BCORL1: variants seen among roughly 807,000 people sequenced by gnomAD.
The protein encoded by BCORL1 is BCL6 corepressor like 1.
Under a neutral mutation model 87.6 loss-of-function variants are expected in BCORL1, and 7 were observed. The ratio of observed to expected loss-of-function variants is 0.08; its 90% CI spans 0.05 to 0.15. The LOEUF (loss-of-function observed/expected upper bound fraction) is 0.15. BCORL1 is among the 10% of genes least tolerant of loss of function. BCORL1 has a pLI of 1.00. For missense variants in BCORL1, 1,215 were observed against 1,499.7 expected (o/e 0.81, Z 3.13); for synonymous variants, 591 against 634.4 (o/e 0.93, Z 1.03).
intron 2 of BCORL1, among the ~76,000 whole-genome samples, chrX:130,010,258 T>C (rs1928841426): frequency 8.9e-6 from 1 of 112,050 alleles, no homozygotes; most frequent in Non-Finnish European, 1.9e-5. Flanking sequence ...TGGGGTTGCT[T>C]GGGGGAAGTG....
chrX:130,019,164 A>G (rs928981516), intron 4 of BCORL1, among the ~76,000 whole-genome samples: 1 of 112,232 alleles, frequency 8.9e-6, no homozygotes, highest in Non-Finnish European at 1.9e-5. Flanking sequence ...TTCATGCATA[A>G]GTTGGAGTGT....
chrX:129,995,496 A>G (rs1333270458), intron 1 of BCORL1, among the ~76,000 whole-genome samples: 3 of 111,120 alleles, frequency 2.7e-5, no homozygotes, highest in Non-Finnish European at 5.7e-5. Flanking sequence ...GCTGGAGTGT[A>G]GTGGCCTCAT....
Position 130,034,565 on chromosome X carries a change from G to A in BCORL1, c.4416G>A (p.Glu1472=). Residue 1472 remains glutamate (E), a synonymous_variant, in exon 9 of 14, where the codon GAG becomes GAA. Transcript: ENST00000540052. ...PSKSRSASSE[E]ASESPTARQI... Reference sequence around the variant, plus strand: ...AGTCCCGAAGTGCCAGCTCAGAGGAGGCCTCAGAGTCACCTACAGCCCGGC... The same window carrying A: ...AGTCCCGAAGTGCCAGCTCAGAGGAAGCCTCAGAGTCACCTACAGCCCGGC... 1 of 983,118 alleles carries A rather than the reference G, an allele frequency of 1.0e-6. No homozygotes were observed. The highest frequency in any genetic ancestry group is 1.3e-6 in the Non-Finnish European group (1 of 755,920). 81.0% of individuals were successfully genotyped at this position (983,118 alleles called of 1,213,427 possible).
rs530600174 is a variant in BCORL1, at chrX:130,025,423, C to T, written c.4078+44C>T. The T allele has an allele frequency of 3.6e-4, 396 of 1,097,645 alleles. 1 individual carries two copies. In the South Asian group the frequency reaches 8.6e-3, roughly 24 times the overall value. The allele number at this position is 1,097,645 out of a possible 1,213,427, so 90.5% of individuals were successfully genotyped here. A position where few individuals can be genotyped will look rare whatever the true frequency, so the allele number is the denominator to read the frequency against. The stretch of plus-strand genomic sequence containing the variant: ...TCTGCTGTCGCCGCGGCCCGTTTGG[C>T]TTCTGGGAACCCTCGGGCATCTCTA... On this transcript the variant is annotated intron_variant, in intron 7 of 13. Coordinates refer to ENST00000540052, the MANE Select transcript of BCORL1 (RefSeq NM_001379451.1).
At chrX:130,025,849 A>G (rs1930215068) in intron 7 of BCORL1, among the ~76,000 whole-genome samples, 1 of 111,046 alleles carries the variant, frequency 9.0e-6, no homozygotes, top group African/African-American at 3.3e-5. Context: ...CCAACAGAAG[A>G]ACTTCAAGTA....
intron 1 of BCORL1, among the ~76,000 whole-genome samples, chrX:129,994,262 G>A (rs1270067887): frequency 1.8e-5 from 2 of 112,263 alleles, no homozygotes; most frequent in Non-Finnish European, 3.8e-5. Flanking sequence ...GTAGGCTATG[G>A]GTGCTAGAGT....
At chrX:130,003,943 A>G (rs761053930) in intron 1 of BCORL1, among the ~76,000 whole-genome samples, 4 of 111,848 alleles carry the variant, frequency 3.6e-5, no homozygotes, top group African/African-American at 1.3e-4. Flanking sequence ...TCGTACAACT[A>G]TATCTTATTG....
At position 130,015,768 on chromosome X, in the gene BCORL1, C is replaced by T; in HGVS notation, c.2996C>T (p.Thr999Ile). The change falls in exon 4 of 14, where the codon ACC (threonine) becomes ATC (isoleucine). Residue 999 changes from threonine to isoleucine, a missense_variant. Physicochemically the swap from Thr to Ile is moderately conservative, Grantham distance 89 (BLOSUM62 -1). Around this residue, in one of 5 missense-constraint regions of BCORL1, gnomAD observed 861 missense variants for 1,010.0 expected, o/e 0.85. Transcript: ENST00000540052. ...TYMSHELVLA[T>I]PQNLPKMPEL... ...ATGTCCCATGAGCTGGTCCTGGCCA[C>T]CCCCCAGAACCTGCCTAAGATGCCT... The T allele has an allele frequency of 8.3e-7, 1 of 1,211,559 alleles. No homozygotes were observed. The highest frequency in any genetic ancestry group is 1.1e-6 in the Non-Finnish European group (1 of 895,367).
rs753549457 is a variant in BCORL1 at position 130,013,387 on chromosome X, C to G, written c.615C>G (p.Pro205=). The part of the protein sequence containing the change: ...NFSPLPAPIC[P]PAPGSASVPH... ...GTCCTCTGCCAGCCCCTATCTGTCC[C>G]CCTGCTCCCGGTTCGGCCTCTGTGC... Residue 205 remains proline, a synonymous_variant, in exon 4 of 14, where the codon CCC becomes CCG. Transcript: ENST00000540052. 17 of 1,209,281 alleles carry G rather than the reference C, an allele frequency of 1.4e-5. No individual in the cohort carries two copies. Among genetic ancestry groups the G allele is most frequent in the Admixed American group, 6.6e-5 (3 of 45,705 alleles).
intron 2 of BCORL1, among the ~76,000 whole-genome samples, chrX:130,010,113 C>T (rs1046869553): frequency 3.6e-5 from 4 of 111,896 alleles, no homozygotes; most frequent in African/African-American, 6.5e-5. Context: ...CAGCTGCCTT[C>T]GACGGCAGGG....
At chrX:130,048,496 A>G (rs1931886731) in intron 11 of BCORL1, among the ~76,000 whole-genome samples, 1 of 111,945 alleles carries the variant, frequency 8.9e-6, no homozygotes, top group African/African-American at 3.2e-5. Flanking sequence ...CGTGAAAGCC[A>G]ATGGACCTAC....
At chrX:130,022,760 T>C in intron 5 of BCORL1, 137 bp from the exon 6 acceptor site, 1 of 549,571 alleles carries the variant, frequency 1.8e-6, no homozygotes, top group East Asian at 3.3e-5. Flanking sequence ...AGTGAATAAA[T>C]GTAACCCAGA....
intron 1 of BCORL1, among the ~76,000 whole-genome samples, chrX:129,995,845 A>G (rs1046556179): frequency 8.9e-6 from 1 of 112,227 alleles, no homozygotes; most frequent in Non-Finnish European, 1.9e-5. Context: ...TCTGTTGAAT[A>G]CACATGGAAG....
At chrX:130,041,368 A>G (rs1314224872) in intron 11 of BCORL1, among the ~76,000 whole-genome samples, 2 of 108,146 alleles carry the variant, frequency 1.8e-5, no homozygotes, top group Non-Finnish European at 3.8e-5. Context: ...ACTACTAGCT[A>G]TCTTTTGGTT....
At chrX:130,040,927 C>T (rs556422879) in intron 11 of BCORL1, among the ~76,000 whole-genome samples, 4 of 111,441 alleles carry the variant, frequency 3.6e-5, no homozygotes, top group African/African-American at 1.3e-4. Flanking sequence ...CCTCCTTAGG[C>T]TAGAAACTGC....
chrX:129,994,070 G>A (rs1008633906), intron 1 of BCORL1, among the ~76,000 whole-genome samples: 3 of 112,872 alleles, frequency 2.7e-5, no homozygotes, highest in South Asian at 3.6e-4. Flanking sequence ...ACAGGCGTGA[G>A]CCACCATGTC....
intron 8 of BCORL1, among the ~76,000 whole-genome samples, chrX:130,033,084 CTTT>C (rs1185161642): frequency 1.0e-5 from 1 of 96,218 alleles, no homozygotes; most frequent in African/African-American, 3.8e-5. Flanking sequence ...TTTCTTCTCT[CTTT>C]TTTTTTTTTT....
intron 1 of BCORL1, among the ~76,000 whole-genome samples, 184 bp from the exon 2 acceptor site, chrX:130,005,004 A>T (rs775799720): frequency 3.2e-4 from 36 of 112,560 alleles, no homozygotes; most frequent in Non-Finnish European, 5.3e-4. Flanking sequence ...CCATCCTGAA[A>T]CCTATGGATT....
chrX:130,002,644 CAG>C (rs1330837258), intron 1 of BCORL1, among the ~76,000 whole-genome samples: 1 of 106,346 alleles, frequency 9.4e-6, no homozygotes, highest in East Asian at 3.0e-4. Flanking sequence ...AAGAAAAAGA[CAG>C]GGAAGGAGAG....
Sources: allele counts gnomAD v4.1 joint callset (sites outside exome capture counted in the v4.1 genomes callset), GRCh38; gene constraint gnomAD v4.1.1; regional missense constraint gnomAD v4.1.1; transcripts MANE v1.5; gene names NCBI Gene and HGNC (gene_info 2026-07-23, HGNC 2026-07-21).